BICC1: variants seen among roughly 807,000 people sequenced by gnomAD.
BICC1 encodes protein bicaudal C homolog 1.
In BICC1, 43 loss-of-function variants were observed where a neutral mutation model predicts 111.0. The ratio of observed to expected loss-of-function variants is 0.39; its 90% CI spans 0.30 to 0.50. The LOEUF (loss-of-function observed/expected upper bound fraction) is 0.50, where lower values mean the gene tolerates loss of function less well. BICC1 is among the 20% of genes least tolerant of loss of function. The pLI is 0.88. For synonymous variants in BICC1, 467 were observed against 434.4 expected (o/e 1.07, Z -0.93); for missense variants, 1,091 against 1,203.2 (o/e 0.91, Z 1.38).
In BICC1 at chr10:58,702,064, T is replaced by G; in HGVS notation, c.238-10T>G. 6.2e-7 allele frequency: 1 copy of G among 1,604,918 alleles called. No individual in the cohort carries two copies. Among genetic ancestry groups the G allele is most frequent in the Non-Finnish European group, 8.5e-7 (1 of 1,174,814 alleles). On this transcript the variant is annotated splice_polypyrimidine_tract_variant and intron_variant, in intron 2 of 20. Transcript: ENST00000373886. ...AATTGAGTCAATATTTCTCTCAATT[T>G]TTGTTACAGATCATGGAGGAAACAA... is the stretch of plus-strand genomic sequence containing the variant.
chr10:58,623,467 A>G (rs540910805), intron 2 of BICC1, among the ~76,000 whole-genome samples: 21 of 152,286 alleles, frequency 1.4e-4, no homozygotes, highest in African/African-American at 4.6e-4. Context: ...TTGAAATGAT[A>G]TATTTCCCAA....
chr10:58,689,132 G>C (rs1442912909), intron 2 of BICC1, among the ~76,000 whole-genome samples: 1 of 152,160 alleles, frequency 6.6e-6, no homozygotes, highest in Non-Finnish European at 1.5e-5. Flanking sequence ...CTAGGATCTA[G>C]GATCCAGGAT....
chr10:58,653,929 G>T (rs1564533775), intron 2 of BICC1, among the ~76,000 whole-genome samples: 1 of 150,574 alleles, frequency 6.6e-6, no homozygotes, highest in Non-Finnish European at 1.5e-5. Flanking sequence ...AGACTATGCG[G>T]TGTTTGGTTT....
At chr10:58,560,238 T>G in intron 1 of BICC1, among the ~76,000 whole-genome samples, 1 of 152,040 alleles carries the variant, frequency 6.6e-6, no homozygotes, top group East Asian at 1.9e-4. Flanking sequence ...CTCAATCTCC[T>G]TACTCATTAT....
chr10:58,680,624 T>TA (rs1477419425), intron 2 of BICC1, among the ~76,000 whole-genome samples: 2 of 152,134 alleles, frequency 1.3e-5, no homozygotes, highest in Non-Finnish European at 2.9e-5. Flanking sequence ...GATTCAATGA[T>TA]ATTCCCATCA....
intron 1 of BICC1, among the ~76,000 whole-genome samples, chr10:58,609,019 C>G (rs1358937170): frequency 6.6e-6 from 1 of 152,128 alleles, no homozygotes; most frequent in Non-Finnish European, 1.5e-5. Context: ...TTAAACATGC[C>G]TGGAACACAT....
intron 1 of BICC1, among the ~76,000 whole-genome samples, chr10:58,518,481 T>G (rs994059114): frequency 2.0e-5 from 3 of 151,900 alleles, no homozygotes; most frequent in African/African-American, 7.3e-5. Flanking sequence ...GCAGCAGTAC[T>G]GTCTCACATG....
At chr10:58,566,995 A>T (rs1464673653) in intron 1 of BICC1, among the ~76,000 whole-genome samples, 1 of 152,098 alleles carries the variant, frequency 6.6e-6, no homozygotes, top group Non-Finnish European at 1.5e-5. Flanking sequence ...CTGATGGGAG[A>T]ATAATAAAAA....
intron 17 of BICC1, among the ~76,000 whole-genome samples, chr10:58,807,412 T>G (rs189646027): frequency 2.1e-4 from 32 of 152,198 alleles, no homozygotes; most frequent in African/African-American, 6.0e-4. Context: ...TTTTGTTGAG[T>G]GTGGGATGTG....
At chr10:58,687,772 G>A (rs1307256675) in intron 2 of BICC1, among the ~76,000 whole-genome samples, 4 of 152,090 alleles carry the variant, frequency 2.6e-5, no homozygotes, top group African/African-American at 4.8e-5. Context: ...ATTCTGTCAC[G>A]GCTTCCCTTT....
intron 1 of BICC1, among the ~76,000 whole-genome samples, chr10:58,596,667 C>T (rs1381934077): frequency 6.6e-6 from 1 of 152,184 alleles, no homozygotes; most frequent in Non-Finnish European, 1.5e-5. Context: ...CCCATCATCT[C>T]AGCCCCAAAT....
chr10:58,701,710 C>A (rs1270947973), intron 2 of BICC1, among the ~76,000 whole-genome samples: 1 of 151,980 alleles, frequency 6.6e-6, no homozygotes, highest in Non-Finnish European at 1.5e-5. Context: ...TGTTGCAATC[C>A]CTTGGCAATT....
intron 2 of BICC1, among the ~76,000 whole-genome samples, chr10:58,643,842 A>G (rs1838190657): frequency 1.3e-5 from 2 of 152,180 alleles, no homozygotes; most frequent in Non-Finnish European, 2.9e-5. Flanking sequence ...CTTTATTGCT[A>G]CAGGAACCTT....
chr10:58,548,791 G>A lies in BICC1; in HGVS notation c.190+35458G>A, dbSNP rs114269246. ...TATGCATATAAGAGTTATCTATGTT[G>A]TTGTGTTTTTGGGGAGGGGAGGGGA... is the stretch of plus-strand genomic sequence containing the variant. On this transcript the variant is annotated intron_variant, in intron 1 of 20. Transcript: ENST00000373886. Among the ~76,000 whole-genome samples, 1,244 of 152,136 alleles carry A rather than the reference G, an allele frequency of 8.2e-3. 14 individuals carry two copies. The highest frequency in any genetic ancestry group is 0.028 in the African/African-American group (1,171 of 41,524).
chr10:58,660,372 C>T (rs1838802056), intron 2 of BICC1, among the ~76,000 whole-genome samples: 1 of 151,926 alleles, frequency 6.6e-6, no homozygotes, highest in African/African-American at 2.4e-5. Context: ...ATACCCTGGC[C>T]CTGGATCACC....
At chr10:58,769,958 A>G (rs1425759268) in intron 3 of BICC1, among the ~76,000 whole-genome samples, 1 of 152,146 alleles carries the variant, frequency 6.6e-6, no homozygotes, top group African/African-American at 2.4e-5. Flanking sequence ...GTGCTACAAA[A>G]TATTTCAGGT....
intron 2 of BICC1, among the ~76,000 whole-genome samples, chr10:58,689,100 A>C (rs952261761): frequency 6.6e-6 from 1 of 152,182 alleles, no homozygotes; most frequent in African/African-American, 2.4e-5. Flanking sequence ...GCTAATGATC[A>C]AGAACCTTTC....
chr10:58,657,587 A>G (rs1220967384), intron 2 of BICC1, among the ~76,000 whole-genome samples: 1 of 152,158 alleles, frequency 6.6e-6, no homozygotes, highest in African/African-American at 2.4e-5. Context: ...TTTTGTTTAC[A>G]TGTTAATTTA....
chr10:58,765,275 C>T (rs1244108690), intron 3 of BICC1, among the ~76,000 whole-genome samples: 3 of 148,062 alleles, frequency 2.0e-5, no homozygotes, highest in Non-Finnish European at 3.0e-5. Context: ...AGGCTGGTCT[C>T]GAACTCCTGA....
Sources: gnomAD v4.1 joint callset for allele counts (sites outside exome capture counted in the v4.1 genomes callset) on GRCh38, gnomAD v4.1.1 for gene constraint, MANE v1.5 for transcripts, NCBI Gene and HGNC (gene_info 2026-07-23, HGNC 2026-07-21) for gene names.